Variants in CCDC14 observed in about 807,000 individuals in gnomAD.
CCDC14 encodes the protein coiled-coil domain-containing protein 14.
CCDC14 carries 71 observed loss-of-function variants against 81.4 expected under a neutral mutation model. That is an observed-to-expected ratio of 0.87 (90% CI 0.72 to 1.06). The LOEUF is 1.06. Among genes scored for constraint, CCDC14 ranks in the 50% least tolerant of loss-of-function variants. The pLI is 0.00. For missense variants in CCDC14, 1,046 were observed against 1,047.3 expected, an observed-to-expected ratio of 1.00 and a Z score of 0.02; for synonymous variants, 332 against 364.8, an observed-to-expected ratio of 0.91 and a Z score of 1.03.
intron 1 of CCDC14, 39 bp downstream of exon 1, chr3:123,961,105 C>T: frequency 4.0e-6 from 6 of 1,516,692 alleles, no homozygotes; most frequent in Non-Finnish European, 5.4e-6. Context: ...CTGTCCCTCT[C>T]CATCCCCACA....
intron 9 of CCDC14, 84 bp from the exon 10 acceptor site, chr3:123,933,839 A>C: frequency 1.1e-6 from 1 of 909,048 alleles, no homozygotes; most frequent in Non-Finnish European, 1.7e-6. Flanking sequence ...AAAAAAGATA[A>C]AACATAAACC....
At chr3:123,936,873 A>G (rs1484896832) in intron 9 of CCDC14, among the ~76,000 whole-genome samples, 3 of 152,060 alleles carry the variant, frequency 2.0e-5, no homozygotes, top group African/African-American at 4.8e-5. Flanking sequence ...CATCACCCCT[A>G]AAGTTTCCTC....
At chr3:123,920,249 A>T (rs1436165873) in intron 12 of CCDC14, among the ~76,000 whole-genome samples, 2 of 152,160 alleles carry the variant, frequency 1.3e-5, no homozygotes, top group Non-Finnish European at 2.9e-5. Context: ...GAATGAAGAA[A>T]GCCTACAGGT....
At chr3:123,934,270 CAAAA>C (rs61094944) in intron 9 of CCDC14, among the ~76,000 whole-genome samples, 20 of 52,286 alleles carry the variant, frequency 3.8e-4, no homozygotes, top group African/African-American at 1.7e-3. Flanking sequence ...GACTCTGCCT[CAAAA>C]AAAAAAAAAA....
chr3:123,927,421 C>CA (rs745709271), intron 12 of CCDC14, among the ~76,000 whole-genome samples: 95 of 151,212 alleles, frequency 6.3e-4, no homozygotes, highest in Non-Finnish European at 1.3e-3. Context: ...TGCCTCAAAA[C>CA]AAAAAAAAGT....
Position 123,914,230 on chromosome 3 carries a change from T to C in CCDC14, c.*549A>G, listed in dbSNP as rs2034530994. The C allele has an allele frequency of 6.1e-6, 6 of 984,512 alleles. No individual in the cohort carries two copies. In the South Asian group the frequency reaches 1.4e-4, roughly 23 times the overall value. 61.0% of individuals were successfully genotyped at this position (984,512 alleles called of 1,614,324 possible). A position where few individuals can be genotyped will look rare whatever the true frequency, so the allele number is the denominator to read the frequency against. On this transcript the variant is annotated 3_prime_UTR_variant, in exon 13 of 13. Transcript: ENST00000409697. ...CTTAGGATGTTATCTATATATTTTT[T>C]AGACCAATCAATGTTTTTTAAGAGG...
intron 5 of CCDC14, among the ~76,000 whole-genome samples, chr3:123,902,589 C>T (rs1204047358): frequency 6.6e-6 from 1 of 152,164 alleles, no homozygotes; most frequent in East Asian, 1.9e-4. Flanking sequence ...GGAAGCTTTA[C>T]AGCACCAAAA....
intron 5 of CCDC14, 177 bp from the exon 6 acceptor site, chr3:123,949,309 A>G: frequency 1.7e-6 from 1 of 577,478 alleles, no homozygotes; most frequent in South Asian, 2.3e-5. Flanking sequence ...TCTGAAAGTA[A>G]TTAGTGTTTA....
rs1211034997 is a variant in CCDC14, at chr3:123,945,911, G to GGCT, written c.1201+889_1201+891dup. 2.6e-5 allele frequency among the ~76,000 whole-genome samples: 4 copies of GGCT among 152,024 alleles called. No individual in the cohort carries two copies. In the East Asian group the frequency reaches 7.7e-4, roughly 29 times the overall value. On this transcript the variant is annotated intron_variant, in intron 8 of 12. Coordinates refer to ENST00000409697, the MANE Select transcript of CCDC14 (RefSeq NM_001366335.1). ...TGGGAGTGGTAACAGTACCACATAGGGCTGCTGGGAGGATTAAATGAGATA... is the reference window on the plus strand; with the variant it reads ...TGGGAGTGGTAACAGTACCACATAGGGCTGCTGCTGGGAGGATTAAATGAGATA...
chr3:123,933,670 T>A lies in CCDC14; in HGVS notation c.1426+3A>T. On this transcript the variant is annotated splice_donor_region_variant and intron_variant, in intron 10 of 12. Transcript: ENST00000409697. ...TATCAATCCTTAAAGTTCTTTTACC[T>A]ACATTCAAGGTTGCAATCCACAGCA... The A allele has an allele frequency of 6.4e-7, 1 of 1,560,470 alleles. No homozygotes were observed. The highest frequency in any genetic ancestry group is 8.7e-7 in the Non-Finnish European group (1 of 1,148,306).
chr3:123,921,161 A>G (rs901331468), intron 12 of CCDC14, among the ~76,000 whole-genome samples: 2 of 152,232 alleles, frequency 1.3e-5, no homozygotes, highest in Non-Finnish European at 2.9e-5. Context: ...ATTACAAAAT[A>G]AATTACAAAA....
At chr3:123,934,349 T>A (rs914176075) in intron 9 of CCDC14, among the ~76,000 whole-genome samples, 2 of 151,608 alleles carry the variant, frequency 1.3e-5, no homozygotes, top group Non-Finnish European at 2.9e-5. Flanking sequence ...TGATTTGTTG[T>A]TTTTTTTCTA....
downstream of CCDC14, among the ~76,000 whole-genome samples, chr3:123,909,843 G>A (rs147949404): frequency 5.7e-3 from 868 of 152,290 alleles, 11 homozygotes; most frequent in Non-Finnish European, 7.1e-3. Flanking sequence ...TCATGAGACT[G>A]AGCTGTCATC....
the CCDC14 span, among the ~76,000 whole-genome samples, chr3:123,886,969 G>A: frequency 2.0e-5 from 3 of 151,990 alleles, no homozygotes; most frequent in South Asian, 6.2e-4. Context: ...TGGTTCTCAA[G>A]GACAAAAGGG....
chr3:123,940,689 C>T (rs1432186717), intron 9 of CCDC14, among the ~76,000 whole-genome samples: 2 of 152,006 alleles, frequency 1.3e-5, no homozygotes, highest in East Asian at 1.9e-4. Flanking sequence ...ATGCTGGTAA[C>T]AGATCACTTA....
chr3:123,886,380 C>G, the CCDC14 span, among the ~76,000 whole-genome samples: 3 of 144,832 alleles, frequency 2.1e-5, no homozygotes, highest in African/African-American at 5.1e-5. Flanking sequence ...TTCTTTCCTT[C>G]TTTCCTTCTT....
At chr3:123,926,471 T>C (rs2056277005) in intron 12 of CCDC14, among the ~76,000 whole-genome samples, 1 of 150,418 alleles carries the variant, frequency 6.6e-6, no homozygotes, top group Non-Finnish European at 1.5e-5. Flanking sequence ...TAAATAACTA[T>C]GAGTACTTGT....
At chr3:123,955,752 A>T in intron 5 of CCDC14, 91 bp downstream of exon 5, 1 of 1,199,820 alleles carries the variant, frequency 8.3e-7, no homozygotes. Flanking sequence ...ACTGATTATT[A>T]AAATGAAAAT....
At chr3:123,928,499 A>G (rs1170529953) in intron 12 of CCDC14, among the ~76,000 whole-genome samples, 1 of 152,004 alleles carries the variant, frequency 6.6e-6, no homozygotes, top group East Asian at 1.9e-4. Flanking sequence ...GAGTGAGACT[A>G]TGTCTCAAAG....
Sources: gnomAD v4.1 joint callset for allele counts (sites outside exome capture counted in the v4.1 genomes callset) on GRCh38, gnomAD v4.1.1 for gene constraint, MANE v1.5 for transcripts, NCBI Gene and HGNC (gene_info 2026-07-23, HGNC 2026-07-21) for gene names.